ACACB: variants seen among roughly 807,000 people sequenced by gnomAD.
ACACB encodes the protein acetyl-CoA carboxylase 2.
Under a neutral mutation model 278.8 loss-of-function variants are expected in ACACB, and 209 were observed. The ratio of observed to expected loss-of-function variants is 0.75; its 90% CI spans 0.67 to 0.84. The LOEUF is 0.84. Ranked by LOEUF, ACACB falls within the 40% of genes least tolerant of loss-of-function variation. The pLI is 0.00. For synonymous variants in ACACB, 1,174 were observed against 1,285.6 expected, an observed-to-expected ratio of 0.91 and a Z score of 1.86; for missense variants, 2,850 against 3,269.0, an observed-to-expected ratio of 0.87 and a Z score of 3.13.
rs770813569 is a variant in ACACB at position 109,209,152 on chromosome 12, G to A, written c.3061-13G>A. On this transcript the variant is annotated splice_polypyrimidine_tract_variant and intron_variant, in intron 20 of 52. Transcript: ENST00000338432. Reference sequence around the variant, plus strand: ...TGCAGGGCTGGGGGCTGATGCTGTGGTCCCCGCTTCAGCTGAAGGAGTGGG... The same window carrying A: ...TGCAGGGCTGGGGGCTGATGCTGTGATCCCCGCTTCAGCTGAAGGAGTGGG... The A allele has an allele frequency of 3.0e-5, 47 of 1,582,268 alleles. No homozygotes were observed. The highest frequency in any genetic ancestry group is 4.0e-5 in the Non-Finnish European group (46 of 1,164,342).
intron 27 of ACACB, 128 bp downstream of exon 27, chr12:109,224,032 G>A (rs2046250761): frequency 1.2e-6 from 1 of 831,836 alleles, no homozygotes; most frequent in Non-Finnish European, 2.0e-6. Context: ...CTTCAAGGTA[G>A]CTATGTTAAT....
At chr12:109,222,730 G>A (rs7968027) in intron 25 of ACACB, 69 bp from the exon 26 acceptor site, 62 of 1,541,268 alleles carry the variant, frequency 4.0e-5, no homozygotes, top group Non-Finnish European at 4.7e-5. Flanking sequence ...CTGCCGGCCC[G>A]TGCCCGAGCC....
chr12:109,154,163 C>T (rs1471664342), intron 2 of ACACB, among the ~76,000 whole-genome samples: 2 of 152,232 alleles, frequency 1.3e-5, no homozygotes, highest in African/African-American at 4.8e-5. Context: ...TATTTCGGAT[C>T]ACCGGGCTGC....
At chr12:109,170,626 C>G (rs901734208) in intron 4 of ACACB, among the ~76,000 whole-genome samples, 2 of 151,898 alleles carry the variant, frequency 1.3e-5, no homozygotes, top group Non-Finnish European at 2.9e-5. Context: ...GAGAGAAGAT[C>G]GTTGGTTGCC....
intron 2 of ACACB, among the ~76,000 whole-genome samples, chr12:109,152,444 G>A (rs2043398525): frequency 6.6e-6 from 1 of 152,076 alleles, no homozygotes; most frequent in Non-Finnish European, 1.5e-5. Context: ...GAAACTTGAA[G>A]AACTGAGAAT....
intron 35 of ACACB, among the ~76,000 whole-genome samples, chr12:109,240,659 T>G (rs2046770427): frequency 6.6e-6 from 1 of 150,862 alleles, no homozygotes; most frequent in African/African-American, 2.4e-5. Context: ...AAAAGAGAAG[T>G]CCTGATACAT....
chr12:109,174,105 C>T lies in ACACB; in HGVS notation c.1118-27C>T, dbSNP rs141580941. 2.8e-4 allele frequency: 438 copies of T among 1,586,782 alleles called. 2 individuals carry two copies. The African/African-American group carries it at 5.2e-3, about 19-fold the overall frequency. On this transcript the variant is annotated intron_variant, in intron 6 of 52. Coordinates refer to ENST00000338432, the MANE Select transcript of ACACB (RefSeq NM_001093.4). ...GGGTCTTGTGACTGACCGGATTCTG[C>T]TTCCCTTCTTGTCCCCGATTCCTCA...
rs919559706 is a variant in ACACB, at chr12:109,237,613, C to A, written c.4662+233C>A. On this transcript the variant is annotated intron_variant, in intron 34 of 52. Coordinates refer to ENST00000338432, the MANE Select transcript of ACACB (RefSeq NM_001093.4). Reference sequence around the variant, plus strand: ...GTTTCTTGTATTATGTGGGTCTCTGCGCATGAGAAGAAAATTTCCAGGATA... The same window carrying A: ...GTTTCTTGTATTATGTGGGTCTCTGAGCATGAGAAGAAAATTTCCAGGATA... Among the ~76,000 whole-genome samples, 2 of 152,100 alleles carry A rather than the reference C, an allele frequency of 1.3e-5. 1 individual carries two copies. The highest frequency in any genetic ancestry group is 4.1e-4 in the South Asian group (2 of 4,828).
chr12:109,168,107 A>G, intron 4 of ACACB, 73 bp downstream of exon 4: 3 of 1,514,406 alleles, frequency 2.0e-6, no homozygotes, highest in Non-Finnish European at 2.7e-6. Context: ...CCCTGTGCCT[A>G]GGCAAGTCCA....
At chr12:109,153,694 A>C (rs879812143) in intron 2 of ACACB, among the ~76,000 whole-genome samples, 4 of 151,782 alleles carry the variant, frequency 2.6e-5, no homozygotes, top group Admixed American at 2.0e-4. Flanking sequence ...ATGGAGTCTC[A>C]CTCTGTCACT....
At chr12:109,198,470 C>A in intron 17 of ACACB, among the ~76,000 whole-genome samples, 1 of 151,978 alleles carries the variant, frequency 6.6e-6, no homozygotes, top group Admixed American at 6.6e-5. Context: ...AAGAGTGAGA[C>A]CCTGATCGCT....
At chr12:109,204,271 C>CTTTTTTT (rs58720572) in intron 19 of ACACB, among the ~76,000 whole-genome samples, 3 of 93,142 alleles carry the variant, frequency 3.2e-5, no homozygotes, top group Non-Finnish European at 2.0e-5. Context: ...AATACTATAT[C>CTTTTTTT]TTTTTTTTTT....
At chr12:109,245,259 T>C (rs1218856776) in intron 37 of ACACB, among the ~76,000 whole-genome samples, 1 of 152,048 alleles carries the variant, frequency 6.6e-6, no homozygotes, top group African/African-American at 2.4e-5. Flanking sequence ...CGATATTGTA[T>C]GTTTCCAATG....
At chr12:109,186,693 C>T (rs1052937739) in intron 12 of ACACB, among the ~76,000 whole-genome samples, 12 of 152,018 alleles carry the variant, frequency 7.9e-5, no homozygotes, top group African/African-American at 2.9e-4. Context: ...ACACCTCCAC[C>T]CCTTTTAATT....
At chr12:109,125,810 T>A (rs2042666235) in intron 1 of ACACB, among the ~76,000 whole-genome samples, 1 of 152,174 alleles carries the variant, frequency 6.6e-6, no homozygotes, top group Non-Finnish European at 1.5e-5. Flanking sequence ...AGAACCTGAA[T>A]CCAGATCTCG....
At chr12:109,184,253 A>G (rs1393919318) in intron 11 of ACACB, among the ~76,000 whole-genome samples, 2 of 152,020 alleles carry the variant, frequency 1.3e-5, no homozygotes, top group Admixed American at 6.6e-5. Flanking sequence ...GGGCTTCACC[A>G]TGTTGGCCAG....
chr12:109,208,573 C>T (rs756141809), intron 20 of ACACB, among the ~76,000 whole-genome samples: 2 of 152,184 alleles, frequency 1.3e-5, no homozygotes, highest in Non-Finnish European at 2.9e-5. Context: ...TGAAACCTCA[C>T]AACCACACTA....
In ACACB at chr12:109,216,749, G is replaced by C. The variant is rs147226413; in HGVS notation, c.3439+43G>C. On this transcript the variant is annotated intron_variant, in intron 23 of 52. Coordinates refer to ENST00000338432, the MANE Select transcript of ACACB (RefSeq NM_001093.4). ...CAACACCAGTGGGATGGTGGGGGGC[G>C]TGAGGAGCCTGAGCTTTACCTCTGT... The C allele has an allele frequency of 7.7e-5, 125 of 1,614,106 alleles. No individual in the cohort carries two copies. The African/African-American group carries it at 1.5e-3, about 19-fold the overall frequency.
intron 15 of ACACB, 84 bp downstream of exon 15, chr12:109,192,034 G>A: frequency 7.1e-7 from 1 of 1,413,696 alleles, no homozygotes; most frequent in Non-Finnish European, 9.9e-7. Flanking sequence ...TATTTGTGTG[G>A]CCAGTTAGTC....
Sources: allele counts gnomAD v4.1 joint callset (sites outside exome capture counted in the v4.1 genomes callset), GRCh38; gene constraint gnomAD v4.1.1; transcripts MANE v1.5; gene names NCBI Gene and HGNC (gene_info 2026-07-23, HGNC 2026-07-21).